Variants in DIRAS2 observed in about 807,000 individuals in gnomAD.
DIRAS2 encodes the protein GTP-binding protein Di-Ras2.
Under a neutral mutation model 13.9 loss-of-function variants are expected in DIRAS2, and 5 were observed. The observed-to-expected ratio is 0.36, with a 90% CI of 0.19 to 0.76. The LOEUF is 0.76. Among genes scored for constraint, DIRAS2 ranks in the 30% least tolerant of loss-of-function variants. The pLI is 0.53. For missense variants in DIRAS2, 191 were observed against 263.0 expected (o/e 0.73, Z 1.89); for synonymous variants, 111 against 105.4 (o/e 1.05, Z -0.33).
intron 1 of DIRAS2, among the ~76,000 whole-genome samples, chr9:90,636,430 A>G (rs781362224): frequency 1.2e-4 from 19 of 152,196 alleles, no homozygotes; most frequent in Non-Finnish European, 1.9e-4. Flanking sequence ...AAGAATAAAC[A>G]TATCACCAAA....
Position 90,613,218 on chromosome 9 carries a change from G to A in DIRAS2, c.*10C>T, listed in dbSNP as rs1253830144. 2 of 1,603,720 alleles carry A rather than the reference G, an allele frequency of 1.2e-6. No individual in the cohort carries two copies. The highest frequency in any genetic ancestry group is 1.7e-6 in the Non-Finnish European group (2 of 1,174,010). On this transcript the variant is annotated 3_prime_UTR_variant, in exon 2 of 2. Transcript: ENST00000375765. This position sits in a 1 kb window ranked among gnomAD's most constrained non-coding sequence, Gnocchi z 5.6. ...GGGACACACAGCTGCTCCTCCCGCA[G>A]GAAGGGCCTTCACATGATCACGCAC... is the stretch of plus-strand genomic sequence containing the variant.
At chr9:90,628,631 A>C (rs906685458) in intron 1 of DIRAS2, among the ~76,000 whole-genome samples, 1 of 151,280 alleles carries the variant, frequency 6.6e-6, no homozygotes, top group Non-Finnish European at 1.5e-5. Flanking sequence ...CTATAGCCTC[A>C]ATCTCCCGGG....
rs1166096222 is a variant in DIRAS2 at position 90,612,779 on chromosome 9, T to C, written c.*449A>G. 1 of 179,268 alleles carries C rather than the reference T, an allele frequency of 5.6e-6. No homozygotes were observed. Among genetic ancestry groups the C allele is most frequent in the African/African-American group, 2.4e-5 (1 of 42,082 alleles). 11.1% of individuals were successfully genotyped at this position (179,268 alleles called of 1,614,324 possible). On this transcript the variant is annotated 3_prime_UTR_variant, in exon 2 of 2. Transcript: ENST00000375765. ...GTGTGGTCCACTTTGGACCATCTGA[T>C]CTTCTCACCTCTTCCTGCCCCTCCC...
At chr9:90,621,647 C>T (rs1440176813) in intron 1 of DIRAS2, among the ~76,000 whole-genome samples, 2 of 152,096 alleles carry the variant, frequency 1.3e-5, no homozygotes, top group Non-Finnish European at 1.5e-5. Flanking sequence ...ATTCAGGAGC[C>T]CCCCAGTTTC....
chr9:90,623,315 C>T (rs190395751), intron 1 of DIRAS2, among the ~76,000 whole-genome samples: 30 of 152,200 alleles, frequency 2.0e-4, no homozygotes, highest in African/African-American at 6.3e-4. Flanking sequence ...TTCTGTTTAT[C>T]GACAGGCCAT....
At chr9:90,625,466 G>A (rs1242817599) in intron 1 of DIRAS2, among the ~76,000 whole-genome samples, 2 of 152,148 alleles carry the variant, frequency 1.3e-5, no homozygotes, top group Non-Finnish European at 2.9e-5. Context: ...TTATGTTTAG[G>A]TCATTGATCT....
intron 1 of DIRAS2, among the ~76,000 whole-genome samples, chr9:90,634,433 T>C (rs1275828863): frequency 3.3e-5 from 5 of 152,190 alleles, no homozygotes; most frequent in Non-Finnish European, 5.9e-5. Flanking sequence ...AATCCAATGA[T>C]CAATAACCTC....
At chr9:90,621,193 T>C (rs1825216230) in intron 1 of DIRAS2, among the ~76,000 whole-genome samples, 4 of 152,010 alleles carry the variant, frequency 2.6e-5, no homozygotes, top group Admixed American at 2.6e-4. Context: ...ATGGAAGAGA[T>C]GGCTAGAAAG....
chr9:90,620,192 A>G (rs984839650), intron 1 of DIRAS2, among the ~76,000 whole-genome samples: 1 of 152,250 alleles, frequency 6.6e-6, no homozygotes, highest in Non-Finnish European at 1.5e-5. Context: ...ATTATATCTC[A>G]GTAAAGCTTT....
chr9:90,641,530 C>T (rs1316010874), intron 1 of DIRAS2, among the ~76,000 whole-genome samples: 1 of 152,130 alleles, frequency 6.6e-6, no homozygotes, highest in African/African-American at 2.4e-5. Context: ...ACAAAGCCTC[C>T]TGCATTTCCA....
chr9:90,627,445 G>A (rs1468268825), intron 1 of DIRAS2, among the ~76,000 whole-genome samples: 1 of 152,194 alleles, frequency 6.6e-6, no homozygotes, highest in Non-Finnish European at 1.5e-5. Context: ...AATACTGTAT[G>A]AATTCACTTA....
chr9:90,640,899 T>A (rs1825413052), intron 1 of DIRAS2, among the ~76,000 whole-genome samples: 1 of 152,196 alleles, frequency 6.6e-6, no homozygotes, highest in South Asian at 2.1e-4. Flanking sequence ...ACATATCAAC[T>A]CTGGTCTCCA....
chr9:90,628,252 GC>G (rs1825290512), intron 1 of DIRAS2, among the ~76,000 whole-genome samples: 1 of 152,146 alleles, frequency 6.6e-6, no homozygotes, highest in African/African-American at 2.4e-5. Flanking sequence ...CCCTTGAAAT[GC>G]AGCTGGCTGA....
intron 1 of DIRAS2, among the ~76,000 whole-genome samples, chr9:90,641,109 T>TA (rs1444297225): frequency 1.3e-5 from 2 of 151,900 alleles, no homozygotes; most frequent in Non-Finnish European, 2.9e-5. Context: ...ATAATTTTTT[T>TA]AAAAAAAAGG....
At position 90,625,161 on chromosome 9, in the gene DIRAS2, G is replaced by A. The variant is rs78648129; in HGVS notation, c.-36-11298C>T. Among the ~76,000 whole-genome samples the A allele has an allele frequency of 2.5e-3, 377 of 152,276 alleles. 2 individuals carry two copies. Among genetic ancestry groups the A allele is most frequent in the African/African-American group, 8.6e-3 (356 of 41,566 alleles). On this transcript the variant is annotated intron_variant, in intron 1 of 1. Transcript: ENST00000375765. ...TGGAGCACACGAATCTGCATGTATG[G>A]AAAATAAAGTATTTGATGCCAGTTA... is the stretch of plus-strand genomic sequence containing the variant.
chr9:90,635,026 G>A (rs551287405), intron 1 of DIRAS2, among the ~76,000 whole-genome samples: 10 of 152,270 alleles, frequency 6.6e-5, no homozygotes, highest in African/African-American at 9.6e-5. Flanking sequence ...TAATAGCCCC[G>A]TTTTACAGAT....
chr9:90,620,727 A>G (rs1317984251), intron 1 of DIRAS2, among the ~76,000 whole-genome samples: 1 of 151,672 alleles, frequency 6.6e-6, no homozygotes, highest in Non-Finnish European at 1.5e-5. Context: ...TGACAGAGTG[A>G]GACTCCGCTG....
intron 1 of DIRAS2, among the ~76,000 whole-genome samples, chr9:90,614,321 T>C (rs978187466): frequency 6.7e-6 from 1 of 150,172 alleles, no homozygotes; most frequent in Non-Finnish European, 1.5e-5. Context: ...TGTGTGTGTG[T>C]GTGTGTGTGT....
chr9:90,629,867 C>T (rs941371766), intron 1 of DIRAS2, among the ~76,000 whole-genome samples: 22 of 152,116 alleles, frequency 1.4e-4, no homozygotes, highest in African/African-American at 5.3e-4. Context: ...ATTGAATCTG[C>T]AGATGCGGAT....
Sources: gnomAD v4.1 joint callset for allele counts (sites outside exome capture counted in the v4.1 genomes callset) on GRCh38, gnomAD v4.1.1 for gene constraint, Gnocchi (gnomAD v3.1) non-coding constraint, MANE v1.5 for transcripts, NCBI Gene and HGNC (gene_info 2026-07-23, HGNC 2026-07-21) for gene names.